The following NDRG4 variants were observed in gnomAD, a reference collection of about 807,000 sequenced individuals.
NDRG4 encodes protein NDRG4.
A neutral mutation model predicts 55.8 loss-of-function variants in NDRG4; 38 were observed. The observed-to-expected ratio is 0.68, with a 90% CI of 0.53 to 0.89. NDRG4 has a LOEUF of 0.89. Ranked by LOEUF, NDRG4 falls within the 40% of genes least tolerant of loss-of-function variation. NDRG4 has a pLI of 0.00. For synonymous variants in NDRG4, 190 were observed against 182.7 expected, an observed-to-expected ratio of 1.04 and a Z score of -0.32; for missense variants, 455 against 468.6, an observed-to-expected ratio of 0.97 and a Z score of 0.27.
Position 58,511,661 on chromosome 16 carries a change from TGA to T in NDRG4, c.*87_*88del. 2.6e-6 allele frequency: 4 copies of T among 1,551,318 alleles called. No individual in the cohort carries two copies. The highest frequency in any genetic ancestry group is 3.6e-6 in the Non-Finnish European group (4 of 1,124,852). On this transcript the variant is annotated 3_prime_UTR_variant, in exon 15 of 15. Transcript: ENST00000570248. ...TCATGTTCCCTTTAGTTTATTTTTG[TGA>T]GGGCAAAGGGGAGGAAATGGGGTTC...
At chr16:58,470,940 GGATATTCAAAAACAGAAGAACAGGT>G (rs2032683260) in intron 1 of NDRG4, among the ~76,000 whole-genome samples, 1 of 151,534 alleles carries the variant, frequency 6.6e-6, no homozygotes, top group Admixed American at 6.6e-5. Context: ...GGGAAGCAGG[GGATATTCAAAAACAGAAGAACAGGT>G]GATATGATTG....
At chr16:58,479,882 C>T (rs1439407576) in intron 1 of NDRG4, among the ~76,000 whole-genome samples, 1 of 152,224 alleles carries the variant, frequency 6.6e-6, no homozygotes, top group African/African-American at 2.4e-5. Context: ...TGTGTTGTTT[C>T]TTCTCTGAAT....
At chr16:58,466,055 C>T (rs1447551722) in intron 1 of NDRG4, among the ~76,000 whole-genome samples, 1 of 152,172 alleles carries the variant, frequency 6.6e-6, no homozygotes, top group Non-Finnish European at 1.5e-5. Flanking sequence ...CCCACTCTGT[C>T]GCCCAGGCTG....
At chr16:58,506,126 GA>G in intron 5 of NDRG4, 3 of 635,742 alleles carry the variant, frequency 4.7e-6, no homozygotes, top group South Asian at 3.4e-5. Flanking sequence ...TGATTCTGTT[GA>G]AAGAGCGTGT....
intron 1 of NDRG4, among the ~76,000 whole-genome samples, chr16:58,482,943 G>A (rs1461809779): frequency 6.6e-6 from 1 of 152,022 alleles, no homozygotes; most frequent in Non-Finnish European, 1.5e-5. Context: ...CATCACGTGA[G>A]CTCAGCTAAT....
chr16:58,481,459 T>C (rs2034385523), intron 1 of NDRG4, among the ~76,000 whole-genome samples: 1 of 151,610 alleles, frequency 6.6e-6, no homozygotes, highest in African/African-American at 2.4e-5. Context: ...GGTGCGTGCG[T>C]GTGTGTGTGC....
intron 2 of NDRG4, among the ~76,000 whole-genome samples, chr16:58,493,378 C>T (rs1225955945): frequency 6.6e-6 from 1 of 152,236 alleles, no homozygotes; most frequent in Non-Finnish European, 1.5e-5. Context: ...AAGTGATTCT[C>T]CTGCCTCAGC....
At chr16:58,465,085 C>T in intron 1 of NDRG4, 1 of 1,284,068 alleles carries the variant, frequency 7.8e-7, no homozygotes, top group Non-Finnish European at 1.0e-6. Flanking sequence ...GGAAAGGGAG[C>T]AGGGACGGGG....
At position 58,487,887 on chromosome 16, in the gene NDRG4, A is replaced by AGC. The variant is rs998522363; in HGVS notation, c.72+42_72+43dup. The stretch of plus-strand genomic sequence containing the variant: ...TCGCGCCTTTGAGGTCTTAGGGCCG[A>AGC]GCGCGCCACCTCGTGGCCAAGAGGG... On this transcript the variant is annotated intron_variant, in intron 2 of 15. Coordinates refer to the NDRG4 transcript ENST00000258187. The AGC allele has an allele frequency of 7.5e-6, 11 of 1,459,356 alleles. No homozygotes were observed. In the African/African-American group the frequency reaches 1.4e-4, roughly 19 times the overall value. 90.4% of individuals were successfully genotyped at this position (1,459,356 alleles called of 1,614,324 possible). A position where few individuals can be genotyped will look rare whatever the true frequency, so the allele number is the denominator to read the frequency against.
chr16:58,494,166 C>T (rs2151729545), intron 2 of NDRG4, among the ~76,000 whole-genome samples: 1 of 152,346 alleles, frequency 6.6e-6, no homozygotes, highest in East Asian at 1.9e-4. Flanking sequence ...GTGGTCCCGC[C>T]CTCGTGGTGC....
upstream of NDRG4, among the ~76,000 whole-genome samples, chr16:58,498,522 G>A (rs1256173677): frequency 6.6e-6 from 1 of 152,234 alleles, no homozygotes; most frequent in African/African-American, 2.4e-5. Flanking sequence ...CATGGGCTGG[G>A]GTGAGTGGCG....
intron 1 of NDRG4, chr16:58,465,359 G>A: frequency 2.7e-6 from 1 of 366,978 alleles, no homozygotes; most frequent in South Asian, 2.0e-5. Flanking sequence ...GTCTGTGGGT[G>A]CGCTCAGGAA....
chr16:58,487,618 C>A (rs2035253334), intron 1 of NDRG4: 1 of 586,394 alleles, frequency 1.7e-6, no homozygotes, highest in African/African-American at 1.9e-5. Flanking sequence ...GCCCTAAGTG[C>A]CTGAGTGGGC....
At chr16:58,503,326 G>A (rs906529751) in intron 1 of NDRG4, among the ~76,000 whole-genome samples, 4 of 152,196 alleles carry the variant, frequency 2.6e-5, no homozygotes, top group African/African-American at 9.6e-5. Context: ...GCAGTGCCGG[G>A]GTCGGGGCTA....
chr16:58,482,046 A>T (rs568110445), intron 1 of NDRG4, among the ~76,000 whole-genome samples: 3 of 152,196 alleles, frequency 2.0e-5, no homozygotes, highest in Admixed American at 1.3e-4. Context: ...AGCAGTAGGG[A>T]TACACCAGGC....
intron 1 of NDRG4, among the ~76,000 whole-genome samples, chr16:58,483,984 C>T (rs969448802): frequency 6.6e-5 from 10 of 152,182 alleles, no homozygotes; most frequent in Non-Finnish European, 1.3e-4. Context: ...GTGGGAGGAT[C>T]ACTTGAGTCC....
At chr16:58,499,809 CT>C, upstream of NDRG4, 1 of 311,402 alleles carries the variant, frequency 3.2e-6, no homozygotes, top group Non-Finnish European at 6.2e-6. Flanking sequence ...CTGTGTGTAC[CT>C]GACATGGGTG....
At chr16:58,502,967 G>A (rs1391319268) in intron 1 of NDRG4, among the ~76,000 whole-genome samples, 4 of 152,246 alleles carry the variant, frequency 2.6e-5, no homozygotes, top group Admixed American at 6.5e-5. Context: ...TTCTCCAAGT[G>A]CTAAATGCTC....
Position 58,511,719 on chromosome 16 carries a change from C to A in NDRG4, c.*143C>A. On this transcript the variant is annotated 3_prime_UTR_variant, in exon 15 of 15. Transcript: ENST00000570248. ...GAAAAAAATGAGGGGATCTTAGATG[C>A]TGCAGCAGAACAGTCTCCAGGTGTT... 2.0e-6 allele frequency: 2 copies of A among 977,220 alleles called. No individual in the cohort carries two copies. The highest frequency in any genetic ancestry group is 3.2e-6 in the Non-Finnish European group (2 of 627,704). The allele number at this position is 977,220 out of a possible 1,614,324, so 60.5% of individuals were successfully genotyped here.
Sources: gnomAD v4.1 joint callset for allele counts (sites outside exome capture counted in the v4.1 genomes callset) on GRCh38, gnomAD v4.1.1 for gene constraint, MANE v1.5 for transcripts, NCBI Gene and HGNC (gene_info 2026-07-23, HGNC 2026-07-21) for gene names.